CSMD1: variants seen among roughly 807,000 people sequenced by gnomAD.
CSMD1 encodes the protein CUB and Sushi multiple domains 1, also known as CUB and sushi domain-containing protein 1.
CSMD1 carries 213 observed loss-of-function variants against 417.5 expected under a neutral mutation model. The observed-to-expected ratio is 0.51, with a 90% CI of 0.46 to 0.57. CSMD1 has a LOEUF of 0.57. CSMD1 is among the 20% of genes least tolerant of loss of function. The pLI, the probability that CSMD1 is intolerant of heterozygous loss-of-function variation, is 0.00. For missense variants in CSMD1, 6,923 were observed against 4,529.7 expected, an observed-to-expected ratio of 1.53 and a Z score of -15.17; for synonymous variants, 2,862 against 1,736.8, an observed-to-expected ratio of 1.65 and a Z score of -16.11.
intron 1 of CSMD1, among the ~76,000 whole-genome samples, chr8:4,849,889 T>C (rs1207843951): frequency 6.6e-6 from 1 of 152,228 alleles, no homozygotes; most frequent in Non-Finnish European, 1.5e-5. Flanking sequence ...CATGGGTATA[T>C]TAGAAATGGC....
At chr8:3,235,169 A>G (rs1392464601) in intron 26 of CSMD1, among the ~76,000 whole-genome samples, 1 of 152,248 alleles carries the variant, frequency 6.6e-6, no homozygotes, top group Non-Finnish European at 1.5e-5. Flanking sequence ...CGCAACATTT[A>G]TACAATGAAA....
At chr8:3,057,997 G>A (rs1383393084) in intron 49 of CSMD1, among the ~76,000 whole-genome samples, 8 of 151,978 alleles carry the variant, frequency 5.3e-5, no homozygotes, top group African/African-American at 7.2e-5. Flanking sequence ...TATCCACGCC[G>A]CCCAGTCGGC....
chr8:4,404,822 T>C (rs1380198824), intron 3 of CSMD1, among the ~76,000 whole-genome samples: 1 of 152,152 alleles, frequency 6.6e-6, no homozygotes. Flanking sequence ...ACACAGTAAG[T>C]GAGGCAATAA....
At chr8:3,520,115 C>T (rs1585294698) in intron 10 of CSMD1, among the ~76,000 whole-genome samples, 1 of 151,218 alleles carries the variant, frequency 6.6e-6, no homozygotes, top group Non-Finnish European at 1.5e-5. Context: ...AACATACTTA[C>T]AGGCACAGAG....
intron 3 of CSMD1, among the ~76,000 whole-genome samples, chr8:4,200,051 A>G (rs1323867506): frequency 2.0e-5 from 3 of 152,190 alleles, no homozygotes; most frequent in African/African-American, 7.2e-5. Flanking sequence ...ATCCTGAATG[A>G]TTAGCTCTAT....
chr8:4,356,708 G>C lies in CSMD1; in HGVS notation c.415+63245C>G, dbSNP rs577013688. 3.9e-5 allele frequency among the ~76,000 whole-genome samples: 6 copies of C among 152,194 alleles called. No individual in the cohort carries two copies. The East Asian group carries it at 1.2e-3, about 30-fold the overall frequency. ...CCATGTGTTTTGTCCTTCTCACCGT[G>C]CTCTCCAATGGAGAGGTACAGTGAG... is the stretch of plus-strand genomic sequence containing the variant. On this transcript the variant is annotated intron_variant, in intron 3 of 69. Coordinates refer to ENST00000635120, the MANE Select transcript of CSMD1 (RefSeq NM_033225.6).
intron 1 of CSMD1, among the ~76,000 whole-genome samples, chr8:4,797,103 G>C (rs1293101752): frequency 6.6e-6 from 1 of 152,154 alleles, no homozygotes; most frequent in East Asian, 1.9e-4. Flanking sequence ...TCGAATCAGA[G>C]ATGAATACAG....
At chr8:4,872,396 T>C (rs969408515) in intron 1 of CSMD1, among the ~76,000 whole-genome samples, 1 of 152,060 alleles carries the variant, frequency 6.6e-6, no homozygotes, top group African/African-American at 2.4e-5. Flanking sequence ...GTTTCCCTGA[T>C]GCTGCTCTCA....
At position 3,300,781 on chromosome 8, in the gene CSMD1, C is replaced by A. The variant is rs769466858; in HGVS notation, c.3950+6914G>T. On this transcript the variant is annotated intron_variant, in intron 25 of 69. Coordinates refer to ENST00000635120, the MANE Select transcript of CSMD1 (RefSeq NM_033225.6). ...AGACTAGCCTGGCAACAGGGCGAAA[C>A]CCCGTGTCTACTAAAAATACAAAAA... 2.2e-3 allele frequency among the ~76,000 whole-genome samples: 336 copies of A among 151,142 alleles called. 1 individual carries two copies. The highest frequency in any genetic ancestry group is 2.3e-3 in the Non-Finnish European group (157 of 67,800).
At chr8:4,088,763 A>G (rs760522016) in intron 3 of CSMD1, among the ~76,000 whole-genome samples, 36 of 151,882 alleles carry the variant, frequency 2.4e-4, no homozygotes, top group Non-Finnish European at 2.9e-4. Context: ...CATTTATTCC[A>G]ACAGCCTCAG....
At chr8:4,090,085 A>C (rs1800637119) in intron 3 of CSMD1, among the ~76,000 whole-genome samples, 1 of 152,208 alleles carries the variant, frequency 6.6e-6, no homozygotes, top group African/African-American at 2.4e-5. Flanking sequence ...AACTTAACTT[A>C]CACTTAAATA....
At chr8:3,007,481 T>C (rs929654210) in intron 52 of CSMD1, among the ~76,000 whole-genome samples, 39 of 151,544 alleles carry the variant, frequency 2.6e-4, no homozygotes, top group African/African-American at 8.8e-4. Context: ...CGTATGTTTA[T>C]TGCGGCATTA....
chr8:3,330,935 A>G (rs1322637776), intron 23 of CSMD1, among the ~76,000 whole-genome samples: 1 of 152,194 alleles, frequency 6.6e-6, no homozygotes, highest in Non-Finnish European at 1.5e-5. Context: ...GACATCTTAA[A>G]TAAAATATTT....
intron 5 of CSMD1, among the ~76,000 whole-genome samples, chr8:3,754,607 A>C (rs1228956553): frequency 6.6e-6 from 1 of 152,160 alleles, no homozygotes; most frequent in Non-Finnish European, 1.5e-5. Flanking sequence ...GGCATGCGCC[A>C]TCATGCCTGG....
At chr8:4,098,620 A>T (rs1801147400) in intron 3 of CSMD1, among the ~76,000 whole-genome samples, 1 of 152,160 alleles carries the variant, frequency 6.6e-6, no homozygotes, top group African/African-American at 2.4e-5. Context: ...AAGTGAAGGT[A>T]GTGAAATACC....
At chr8:2,950,703 T>C (rs1002812328) in intron 66 of CSMD1, among the ~76,000 whole-genome samples, 6 of 152,172 alleles carry the variant, frequency 3.9e-5, no homozygotes, top group African/African-American at 1.4e-4. Flanking sequence ...AAAATGATAA[T>C]ACACATACAG....
chr8:4,682,114 G>A (rs992430055), intron 1 of CSMD1, among the ~76,000 whole-genome samples: 3 of 152,110 alleles, frequency 2.0e-5, no homozygotes, highest in African/African-American at 7.2e-5. Context: ...CGCCTCCTGG[G>A]CTCAAGCAAT....
intron 7 of CSMD1, among the ~76,000 whole-genome samples, chr8:3,652,216 A>G (rs13272323): frequency 6.7e-6 from 1 of 150,238 alleles, no homozygotes; most frequent in African/African-American, 2.5e-5. Context: ...CCACCATCAG[A>G]GCGCCATCAC....
chr8:3,289,957 T>G lies in CSMD1; in HGVS notation c.3951-5611A>C, dbSNP rs564489456. ...TTTTCTTCTAGGGTTTTTATAGTAT[T>G]AGGTCTAACATTTAAGTCTTTAATC... On this transcript the variant is annotated intron_variant, in intron 25 of 69. Coordinates refer to ENST00000635120, the MANE Select transcript of CSMD1 (RefSeq NM_033225.6). Among the ~76,000 whole-genome samples the G allele has an allele frequency of 7.6e-4, 113 of 147,800 alleles. 20 individuals are homozygous for G. The highest frequency in any genetic ancestry group is 3.0e-3 in the African/African-American group (111 of 37,458).
Sources: allele counts gnomAD v4.1 joint callset (sites outside exome capture counted in the v4.1 genomes callset), GRCh38; gene constraint gnomAD v4.1.1; transcripts MANE v1.5; gene names NCBI Gene and HGNC (gene_info 2026-07-23, HGNC 2026-07-21).